The following SPMIP4 variants were observed in gnomAD, a reference collection of about 807,000 sequenced individuals.
The protein encoded by SPMIP4 is sperm microtubule inner protein 4.
the SPMIP4 span, among the ~76,000 whole-genome samples, chr7:25,130,328 T>C: frequency 6.6e-6 from 1 of 151,066 alleles, no homozygotes; most frequent in African/African-American, 2.4e-5. Flanking sequence ...TTTTTTTTTT[T>C]TGAGACGGAG....
chr7:25,179,962 T>A, the SPMIP4 span: 1 of 152,366 alleles, frequency 6.6e-6, no homozygotes, highest in African/African-American at 2.4e-5. Context: ...CTCGGGGGTC[T>A]GGACATACCT....
the SPMIP4 span, among the ~76,000 whole-genome samples, chr7:25,174,799 T>C: frequency 6.6e-6 from 1 of 152,192 alleles, no homozygotes; most frequent in African/African-American, 2.4e-5. This position sits in a 1 kb window ranked among gnomAD's most constrained non-coding sequence, Gnocchi z 4.5. Flanking sequence ...GATAGGAATC[T>C]TGATGATTTT....
the SPMIP4 span, among the ~76,000 whole-genome samples, chr7:25,153,235 T>C: frequency 6.6e-6 from 1 of 152,158 alleles, no homozygotes; most frequent in Non-Finnish European, 1.5e-5. Flanking sequence ...AGATGACAAC[T>C]TGTTTTTTCA....
chr7:25,149,553 T>G, the SPMIP4 span, among the ~76,000 whole-genome samples: 1 of 152,096 alleles, frequency 6.6e-6, no homozygotes, highest in Non-Finnish European at 1.5e-5. Context: ...AAATAAGAAA[T>G]AAATAAATAA....
chr7:25,174,223 T>C, the SPMIP4 span, among the ~76,000 whole-genome samples: 3 of 151,918 alleles, frequency 2.0e-5, no homozygotes, highest in Admixed American at 2.0e-4. This position sits in a 1 kb window ranked among gnomAD's most constrained non-coding sequence, Gnocchi z 4.5. Context: ...TCTCTCTCCC[T>C]CTTTTCCTCC....
the SPMIP4 span, among the ~76,000 whole-genome samples, chr7:25,129,521 G>A: frequency 1.3e-5 from 2 of 152,214 alleles, no homozygotes; most frequent in Non-Finnish European, 2.9e-5. Context: ...AAGGGGTGGT[G>A]TAGGCAATCC....
chr7:25,162,912 C>T, the SPMIP4 span, among the ~76,000 whole-genome samples: 1 of 152,180 alleles, frequency 6.6e-6, no homozygotes, highest in South Asian at 2.1e-4. Context: ...GCTGGGATTA[C>T]AGGCACCCGC....
chr7:25,172,783 A>G, the SPMIP4 span, among the ~76,000 whole-genome samples: 1 of 152,166 alleles, frequency 6.6e-6, no homozygotes, highest in South Asian at 2.1e-4. The surrounding 1 kb of genome is among the most constrained non-coding windows in gnomAD (Gnocchi z 4.2). Context: ...GGGGCTGAGA[A>G]AATAGAGTTG....
chr7:25,146,491 T>C, the SPMIP4 span, among the ~76,000 whole-genome samples: 8 of 152,168 alleles, frequency 5.3e-5, no homozygotes. Flanking sequence ...CCCTGCATGA[T>C]CACCAAATTC....
the SPMIP4 span, among the ~76,000 whole-genome samples, chr7:25,174,717 A>T: frequency 6.6e-6 from 1 of 152,160 alleles, no homozygotes; most frequent in African/African-American, 2.4e-5. The surrounding 1 kb of genome is among the most constrained non-coding windows in gnomAD (Gnocchi z 4.5). Flanking sequence ...TCCTTAATGG[A>T]TATGTTTGTT....
chr7:25,166,233 C>CTTTTTTTTTTTT, the SPMIP4 span, among the ~76,000 whole-genome samples: 35 of 131,198 alleles, frequency 2.7e-4, 1 homozygote, highest in South Asian at 4.8e-4. Flanking sequence ...TTTCCGTCTT[C>CTTTTTTTTTTTT]TTTTTTTTTT....
At chr7:25,134,994 G>A in the SPMIP4 span, 2 of 921,644 alleles carry the variant, frequency 2.2e-6, no homozygotes, top group African/African-American at 3.6e-5. Context: ...TTTTAAGGAG[G>A]TTACAACCAA....
chr7:25,156,484 A>G, the SPMIP4 span, among the ~76,000 whole-genome samples: 1 of 152,206 alleles, frequency 6.6e-6, no homozygotes, highest in Non-Finnish European at 1.5e-5. Flanking sequence ...TAAAAAATAG[A>G]AAGACCAAAA....
At chr7:25,135,343 A>G in the SPMIP4 span, 1 of 985,482 alleles carries the variant, frequency 1.0e-6, no homozygotes, top group Non-Finnish European at 1.2e-6. Flanking sequence ...AAACAATTCA[A>G]TTTGTAATGT....
the SPMIP4 span, among the ~76,000 whole-genome samples, chr7:25,153,406 A>G: frequency 2.6e-5 from 4 of 152,068 alleles, no homozygotes; most frequent in Admixed American, 2.0e-4. Context: ...TCTACTAAAA[A>G]TACAAAAACT....
At chr7:25,157,280 T>C in the SPMIP4 span, among the ~76,000 whole-genome samples, 1 of 152,214 alleles carries the variant, frequency 6.6e-6, no homozygotes, top group South Asian at 2.1e-4. Flanking sequence ...ACATCTCCCA[T>C]GTAGAATGCC....
chr7:25,136,561 A>C, the SPMIP4 span: 3 of 1,614,180 alleles, frequency 1.9e-6, no homozygotes, highest in East Asian at 6.7e-5. This position sits in a 1 kb window ranked among gnomAD's most constrained non-coding sequence, Gnocchi z 5.7. Context: ...CTTCTCTTCA[A>C]TATCCTGGTT....
chr7:25,167,251 T>TG, the SPMIP4 span, among the ~76,000 whole-genome samples: 1 of 152,202 alleles, frequency 6.6e-6, no homozygotes, highest in African/African-American at 2.4e-5. Context: ...GAAAAGAACT[T>TG]GGGTGTTGGA....
the SPMIP4 span, chr7:25,135,809 T>C: frequency 3.0e-6 from 4 of 1,347,066 alleles, no homozygotes; most frequent in African/African-American, 1.5e-5. Flanking sequence ...CTTTTCTGGG[T>C]TCCTCCAACC....
Sources: gnomAD v4.1 joint callset for allele counts (sites outside exome capture counted in the v4.1 genomes callset) on GRCh38, gnomAD v4.1.1 for gene constraint, Gnocchi (gnomAD v3.1) non-coding constraint, MANE v1.5 for transcripts, NCBI Gene and HGNC (gene_info 2026-07-23, HGNC 2026-07-21) for gene names.